Variants in KIAA1549L observed in about 807,000 individuals in gnomAD.
KIAA1549L encodes KIAA1549 like.
KIAA1549L carries 88 observed loss-of-function variants against 160.7 expected under a neutral mutation model. The ratio of observed to expected loss-of-function variants is 0.55; its 90% CI spans 0.46 to 0.65. KIAA1549L has a LOEUF of 0.65. Ranked by LOEUF, KIAA1549L falls within the 30% of genes least tolerant of loss-of-function variation. The pLI is 0.00. For missense variants in KIAA1549L, 2,258 were observed against 2,437.5 expected (o/e 0.93, Z 1.55); for synonymous variants, 950 against 976.7 (o/e 0.97, Z 0.51).
chr11:33,378,198 A>G (rs1193020111), intron 1 of KIAA1549L, among the ~76,000 whole-genome samples: 2 of 152,240 alleles, frequency 1.3e-5, no homozygotes, highest in Non-Finnish European at 2.9e-5. Context: ...TTTTGATTAA[A>G]GGATATCAAG....
In KIAA1549L at chr11:33,418,346, T is replaced by G. The variant is rs1429761488; in HGVS notation, c.238+41457T>G. 2.6e-5 allele frequency among the ~76,000 whole-genome samples: 4 copies of G among 152,176 alleles called. No homozygotes were observed. In the East Asian group the frequency reaches 7.7e-4, roughly 29 times the overall value. ...GAGGCCTGTGGAATCTTTCACTTGT[T>G]TCTCTGGAGACATTGAATTAATACC... On this transcript the variant is annotated intron_variant, in intron 1 of 20. Coordinates refer to ENST00000658780, the MANE Select transcript of KIAA1549L (RefSeq NM_012194.3).
intron 9 of KIAA1549L, among the ~76,000 whole-genome samples, chr11:33,569,819 A>C (rs949856490): frequency 6.6e-6 from 1 of 152,108 alleles, no homozygotes; most frequent in Non-Finnish European, 1.5e-5. Context: ...GAGCTCTATA[A>C]TTTCCACTTT....
At chr11:33,572,438 G>T (rs1855294901) in intron 9 of KIAA1549L, among the ~76,000 whole-genome samples, 1 of 152,120 alleles carries the variant, frequency 6.6e-6, no homozygotes, top group African/African-American at 2.4e-5. Flanking sequence ...TTTTATATTT[G>T]ATTACATATA....
chr11:33,446,111 T>C (rs75485598), intron 1 of KIAA1549L, among the ~76,000 whole-genome samples: 2 of 151,722 alleles, frequency 1.3e-5, no homozygotes, highest in Admixed American at 6.6e-5. Context: ...TTTTTTTTTT[T>C]TGAGACAGAG....
At chr11:33,667,831 C>T (rs769766037) in intron 20 of KIAA1549L, 42 bp from the exon 21 acceptor site, 7 of 1,556,506 alleles carry the variant, frequency 4.5e-6, no homozygotes, top group Non-Finnish European at 6.1e-6. Context: ...GAGCTCCTTC[C>T]TCATGCCAGG....
chr11:33,668,163 C>T lies in KIAA1549L; in HGVS notation c.*9C>T. ...TTGAGTTCCAGGTCTAACGCCTTAG[C>T]CCCGTGGGACTCTGGACTTCCAAAC... is the stretch of plus-strand genomic sequence containing the variant. On this transcript the variant is annotated 3_prime_UTR_variant, in exon 21 of 21. Transcript: ENST00000658780. The T allele has an allele frequency of 6.2e-7, 1 of 1,608,436 alleles. No homozygotes were observed. Among genetic ancestry groups the T allele is most frequent in the Non-Finnish European group, 8.5e-7 (1 of 1,176,882 alleles).
At chr11:33,400,615 A>G (rs1164243278) in intron 1 of KIAA1549L, among the ~76,000 whole-genome samples, 1 of 152,184 alleles carries the variant, frequency 6.6e-6, no homozygotes, top group Non-Finnish European at 1.5e-5. Flanking sequence ...TGCTTCTGAA[A>G]TATATTCTTA....
rs575048862 is a variant in KIAA1549L, at chr11:33,673,034, G to C, written c.*4880G>C. On this transcript the variant is annotated 3_prime_UTR_variant, in exon 21 of 21. Coordinates refer to ENST00000658780, the MANE Select transcript of KIAA1549L (RefSeq NM_012194.3). ...AACTTAGTGTCCTGAGAATTGAAAG[G>C]CCTCTTGATTTCTTAGGTGAACTGT... The C allele has an allele frequency of 2.6e-5, 4 of 152,336 alleles. No homozygotes were observed. The South Asian group carries it at 6.2e-4, about 24-fold the overall frequency. 9.4% of individuals were successfully genotyped at this position (152,336 alleles called of 1,614,324 possible). A position where few individuals can be genotyped will look rare whatever the true frequency, so the allele number is the denominator to read the frequency against.
intron 20 of KIAA1549L, chr11:33,665,083 C>CTA (rs1366086003): frequency 2.1e-5 from 3 of 144,112 alleles, no homozygotes; most frequent in Non-Finnish European, 4.5e-5. Context: ...CCTGGGGACA[C>CTA]TCTTCTTTTT....
chr11:33,548,394 G>T (rs553879286), intron 4 of KIAA1549L, among the ~76,000 whole-genome samples: 2 of 152,220 alleles, frequency 1.3e-5, no homozygotes, highest in South Asian at 2.1e-4. Flanking sequence ...GCGAGTCTCT[G>T]CCTCAAAAAC....
intron 8 of KIAA1549L, 111 bp from the exon 9 acceptor site, chr11:33,567,965 G>T (rs16924442): frequency 1.7e-6 from 2 of 1,146,278 alleles, no homozygotes; most frequent in African/African-American, 1.6e-5. Context: ...CCTAACATGA[G>T]GTAGGACACA....
In KIAA1549L at chr11:33,544,748, G is replaced by T. The variant is rs368712708; in HGVS notation, c.2774-19G>T. ...GCATTCCAAGCCAATGACAAACTTTGTTTTTTCTCTCTTTACAGCGGACAC... is the reference window on the plus strand; with the variant it reads ...GCATTCCAAGCCAATGACAAACTTTTTTTTTTCTCTCTTTACAGCGGACAC... On this transcript the variant is annotated intron_variant, in intron 2 of 20. Coordinates refer to ENST00000658780, the MANE Select transcript of KIAA1549L (RefSeq NM_012194.3). 1,685 of 1,559,964 alleles carry T rather than the reference G, an allele frequency of 1.1e-3. 23 individuals carry two copies. The highest frequency in any genetic ancestry group is 8.6e-4 in the Middle Eastern group (5 of 5,812).
chr11:33,534,832 ACCTTGTGATCTC>A (rs1280639328), intron 1 of KIAA1549L, among the ~76,000 whole-genome samples: 5 of 152,172 alleles, frequency 3.3e-5, no homozygotes, highest in Non-Finnish European at 5.9e-5. Context: ...TAGTCATGAT[ACCTTGTGATCTC>A]CCTTCTTCCT....
chr11:33,664,834 A>C (rs1012535149), intron 20 of KIAA1549L, among the ~76,000 whole-genome samples: 1 of 152,264 alleles, frequency 6.6e-6, no homozygotes, highest in African/African-American at 2.4e-5. Context: ...CATAGCAGCC[A>C]GAACAGACTA....
chr11:33,666,526 G>C (rs1331262066), intron 20 of KIAA1549L, among the ~76,000 whole-genome samples: 1 of 152,168 alleles, frequency 6.6e-6, no homozygotes, highest in Non-Finnish European at 1.5e-5. Context: ...TCTGTTGTCT[G>C]TGGGTGCTTA....
At chr11:33,576,214 G>A (rs2133251810) in intron 10 of KIAA1549L, among the ~76,000 whole-genome samples, 1 of 152,248 alleles carries the variant, frequency 6.6e-6, no homozygotes, top group East Asian at 1.9e-4. Flanking sequence ...CTAAGTCCCT[G>A]ACACCTGGCT....
At chr11:33,478,489 T>C (rs1035377100) in intron 1 of KIAA1549L, among the ~76,000 whole-genome samples, 2 of 152,236 alleles carry the variant, frequency 1.3e-5, no homozygotes, top group African/African-American at 4.8e-5. Flanking sequence ...TCAGAGCTGA[T>C]GGGCTCCGCC....
At position 33,658,960 on chromosome 11, in the gene KIAA1549L, A is replaced by G. The variant is rs941266916; in HGVS notation, c.6007+62A>G. ...CTGCTGCTGTGCCCTGTCCTCCCTC[A>G]AATCCCCAGTTCCAATCTCCTTTCT... On this transcript the variant is annotated intron_variant, in intron 19 of 20. Transcript: ENST00000658780. The G allele has an allele frequency of 2.7e-6, 4 of 1,462,956 alleles. No individual in the cohort carries two copies. In the African/African-American group the frequency reaches 5.7e-5, roughly 21 times the overall value. 90.6% of individuals were successfully genotyped at this position (1,462,956 alleles called of 1,614,324 possible). A position where few individuals can be genotyped will look rare whatever the true frequency, so the allele number is the denominator to read the frequency against.
At chr11:33,437,982 C>A (rs1851414204) in intron 1 of KIAA1549L, among the ~76,000 whole-genome samples, 1 of 152,220 alleles carries the variant, frequency 6.6e-6, no homozygotes, top group African/African-American at 2.4e-5. Context: ...CTACCACCTG[C>A]CTACGCCTCT....
Sources: allele counts gnomAD v4.1 joint callset (sites outside exome capture counted in the v4.1 genomes callset), GRCh38; gene constraint gnomAD v4.1.1; transcripts MANE v1.5; gene names NCBI Gene and HGNC (gene_info 2026-07-23, HGNC 2026-07-21).